The following SH3RF3 variants were observed in gnomAD, a reference collection of about 807,000 sequenced individuals.
SH3RF3 encodes the protein SH3 domain containing ring finger 3.
Under a neutral mutation model 66.3 loss-of-function variants are expected in SH3RF3, and 29 were observed. That is an observed-to-expected ratio of 0.44 (90% CI 0.33 to 0.60). The LOEUF (loss-of-function observed/expected upper bound fraction) is 0.60, where lower values mean the gene tolerates loss of function less well. SH3RF3 is among the 20% of genes least tolerant of loss of function. SH3RF3 has a pLI of 0.04. For missense variants in SH3RF3, 1,194 were observed against 1,190.9 expected, an observed-to-expected ratio of 1.00 and a Z score of -0.04; for synonymous variants, 583 against 532.0, an observed-to-expected ratio of 1.10 and a Z score of -1.32.
At chr2:109,467,229 T>TCCA (rs1678377108) in intron 8 of SH3RF3, among the ~76,000 whole-genome samples, 1 of 152,222 alleles carries the variant, frequency 6.6e-6, no homozygotes, top group Non-Finnish European at 1.5e-5. Flanking sequence ...AGACTGGAAA[T>TCCA]GGCCCAGATG....
chr2:109,321,234 C>T (rs1367165637), intron 1 of SH3RF3, among the ~76,000 whole-genome samples: 2 of 152,214 alleles, frequency 1.3e-5, no homozygotes, highest in South Asian at 2.1e-4. Flanking sequence ...CTTATATCCT[C>T]GGATTCACTT....
At chr2:109,426,111 G>A (rs1677022782) in intron 5 of SH3RF3, among the ~76,000 whole-genome samples, 1 of 152,176 alleles carries the variant, frequency 6.6e-6, no homozygotes, top group African/African-American at 2.4e-5. Context: ...TTTTCGCCAT[G>A]TTGGCCAGGC....
chr2:109,324,468 T>C (rs974731781), intron 1 of SH3RF3, among the ~76,000 whole-genome samples: 8 of 152,234 alleles, frequency 5.3e-5, no homozygotes, highest in African/African-American at 9.6e-5. Flanking sequence ...TGCCAGTCTT[T>C]GTGATTTTAG....
intron 1 of SH3RF3, among the ~76,000 whole-genome samples, chr2:109,332,180 C>G (rs559629968): frequency 6.6e-6 from 1 of 152,136 alleles, no homozygotes; most frequent in Admixed American, 6.5e-5. Context: ...ATCTGCGGCC[C>G]GGAGCCCTCT....
chr2:109,133,429 A>C (rs1018921387), intron 1 of SH3RF3, among the ~76,000 whole-genome samples: 7 of 152,242 alleles, frequency 4.6e-5, no homozygotes, highest in Admixed American at 4.6e-4. Context: ...ATTTTATTTT[A>C]TAAGCATACA....
chr2:109,354,240 C>T (rs1257856492), intron 2 of SH3RF3, among the ~76,000 whole-genome samples: 1 of 152,252 alleles, frequency 6.6e-6, no homozygotes, highest in Non-Finnish European at 1.5e-5. Flanking sequence ...CCAACGGATA[C>T]TGCCTGTGTC....
At chr2:109,489,617 G>A (rs1679074303) in intron 8 of SH3RF3, among the ~76,000 whole-genome samples, 1 of 152,238 alleles carries the variant, frequency 6.6e-6, no homozygotes, top group Non-Finnish European at 1.5e-5. Context: ...TGGCCCGTCA[G>A]CAGCATCCTT....
chr2:109,167,171 C>T (rs1677648931), intron 1 of SH3RF3, among the ~76,000 whole-genome samples: 1 of 152,138 alleles, frequency 6.6e-6, no homozygotes, highest in African/African-American at 2.4e-5. Flanking sequence ...TTCATTTTTC[C>T]ATTTTTTCCA....
rs1039597333 is a variant in SH3RF3 at position 109,254,680 on chromosome 2, C to A, written c.574-92994C>A. Among the ~76,000 whole-genome samples the A allele has an allele frequency of 2.0e-5, 3 of 152,154 alleles. No homozygotes were observed. The East Asian group carries it at 5.8e-4, about 29-fold the overall frequency. On this transcript the variant is annotated intron_variant, in intron 1 of 9. Transcript: ENST00000309415. The stretch of plus-strand genomic sequence containing the variant: ...CACTTCCTGCTGTCTCAGCTGTACC[C>A]CCTAATGTTGGTGTGTGGTTGTCTC...
chr2:109,495,477 C>CTTTTTTTTTTTTTTT (rs569509984), intron 9 of SH3RF3, among the ~76,000 whole-genome samples: 5 of 94,284 alleles, frequency 5.3e-5, no homozygotes, highest in Admixed American at 2.3e-4. Flanking sequence ...TCTTTCATTC[C>CTTTTTTTTTTTTTTT]TTTTTTTTTT....
chr2:109,499,334 C>T (rs886937277), intron 9 of SH3RF3, among the ~76,000 whole-genome samples: 26 of 152,208 alleles, frequency 1.7e-4, no homozygotes, highest in African/African-American at 5.6e-4. Context: ...TCTGAGGGAC[C>T]GTCAGCCAGG....
intron 2 of SH3RF3, among the ~76,000 whole-genome samples, chr2:109,371,316 G>A (rs960418531): frequency 2.0e-5 from 3 of 152,214 alleles, no homozygotes; most frequent in Non-Finnish European, 2.9e-5. Flanking sequence ...CTTGAACCCC[G>A]GAGGCGGAGG....
chr2:109,277,937 G>A (rs1680794920), intron 1 of SH3RF3, among the ~76,000 whole-genome samples: 1 of 151,664 alleles, frequency 6.6e-6, no homozygotes, highest in African/African-American at 2.4e-5. Flanking sequence ...CATTTTGGGA[G>A]GCTGAGGTGA....
intron 1 of SH3RF3, among the ~76,000 whole-genome samples, chr2:109,294,861 G>A (rs1487420384): frequency 1.3e-5 from 2 of 152,224 alleles, no homozygotes; most frequent in African/African-American, 2.4e-5. Context: ...GGTGCACAGA[G>A]GAGGTGCTGC....
chr2:109,429,926 GC>G (rs550731510), intron 5 of SH3RF3, among the ~76,000 whole-genome samples: 4,772 of 152,286 alleles, frequency 0.031, 126 homozygotes, highest in Middle Eastern at 0.096. Flanking sequence ...GCCCCAGTCA[GC>G]GGGTGTAGCC....
chr2:109,130,839 C>T (rs1437996154), intron 1 of SH3RF3, among the ~76,000 whole-genome samples: 2 of 152,128 alleles, frequency 1.3e-5, no homozygotes, highest in Non-Finnish European at 2.9e-5. Flanking sequence ...AAGATCTTCT[C>T]TGGATGGCTT....
At chr2:109,222,955 T>TCC (rs1304008351) in intron 1 of SH3RF3, among the ~76,000 whole-genome samples, 1 of 152,158 alleles carries the variant, frequency 6.6e-6, no homozygotes, top group East Asian at 1.9e-4. Context: ...GGGGCTACGG[T>TCC]CCCCATACTC....
chr2:109,442,259 C>T (rs569646512), intron 7 of SH3RF3, among the ~76,000 whole-genome samples: 7 of 148,796 alleles, frequency 4.7e-5, no homozygotes, highest in East Asian at 2.0e-4. Context: ...TACAGTGAGC[C>T]GAGATCGTGC....
At chr2:109,205,100 G>C (rs1218947351) in intron 1 of SH3RF3, among the ~76,000 whole-genome samples, 1 of 152,140 alleles carries the variant, frequency 6.6e-6, no homozygotes, top group Non-Finnish European at 1.5e-5. Context: ...TCAGCTACTT[G>C]GGAGGCCGAG....
Sources: gnomAD v4.1 joint callset for allele counts (sites outside exome capture counted in the v4.1 genomes callset) on GRCh38, gnomAD v4.1.1 for gene constraint, MANE v1.5 for transcripts, NCBI Gene and HGNC (gene_info 2026-07-23, HGNC 2026-07-21) for gene names.